RAB3GAP1: variants seen among roughly 807,000 people sequenced by gnomAD.
RAB3GAP1 encodes RAB3 GTPase activating protein catalytic subunit 1, also known as rab3 GTPase-activating protein catalytic subunit.
RAB3GAP1 carries 86 observed loss-of-function variants against 130.7 expected under a neutral mutation model. The observed-to-expected ratio is 0.66, with a 90% CI of 0.55 to 0.79. The LOEUF is 0.79. Ranked by LOEUF, RAB3GAP1 falls within the 30% of genes least tolerant of loss-of-function variation. RAB3GAP1 has a pLI of 0.00. For synonymous variants in RAB3GAP1, 367 were observed against 401.7 expected (o/e 0.91, Z 1.03); for missense variants, 1,029 against 1,169.4 (o/e 0.88, Z 1.75).
intron 12 of RAB3GAP1, 31 bp from the exon 13 acceptor site, chr2:135,130,521 T>C (rs950193883): frequency 3.2e-6 from 5 of 1,571,002 alleles, no homozygotes; most frequent in African/African-American, 2.7e-5. Flanking sequence ...GTTGGTGATA[T>C]AATTTATATT....
intron 3 of RAB3GAP1, among the ~76,000 whole-genome samples, chr2:135,071,877 A>C (rs895410806): frequency 6.6e-6 from 1 of 152,104 alleles, no homozygotes; most frequent in Non-Finnish European, 1.5e-5. Flanking sequence ...ATTGTCCTGG[A>C]TTGTGGGACT....
chr2:135,117,714 T>TCTTCTG (rs1691059320), intron 7 of RAB3GAP1, among the ~76,000 whole-genome samples: 1 of 138,674 alleles, frequency 7.2e-6, no homozygotes. Flanking sequence ...TGCTTCTGCT[T>TCTTCTG]CTTCTTCTGC....
At chr2:135,059,847 T>TA (rs916259410) in intron 3 of RAB3GAP1, among the ~76,000 whole-genome samples, 8 of 152,092 alleles carry the variant, frequency 5.3e-5, no homozygotes, top group African/African-American at 1.9e-4. Context: ...ATAAATAAGA[T>TA]ACAGAAAATA....
chr2:135,131,369 T>C (rs555705664), intron 13 of RAB3GAP1, among the ~76,000 whole-genome samples: 3 of 151,870 alleles, frequency 2.0e-5, no homozygotes, highest in Non-Finnish European at 4.4e-5. Flanking sequence ...GGGACTACAG[T>C]CACGTGCCAC....
Position 135,080,342 on chromosome 2 carries a change from C to G in RAB3GAP1, c.151-10656C>G, listed in dbSNP as rs373204600. ...ATATGCAATTGGAGTAATTCAAATCCTTGCTGGATATACATAAATGTGATA... is the reference window on the plus strand; with the variant it reads ...ATATGCAATTGGAGTAATTCAAATCGTTGCTGGATATACATAAATGTGATA... On this transcript the variant is annotated intron_variant, in intron 3 of 23. Transcript: ENST00000264158. Among the ~76,000 whole-genome samples the G allele has an allele frequency of 2.2e-4, 33 of 152,120 alleles. No individual in the cohort carries two copies. The South Asian group carries it at 5.8e-3, about 27-fold the overall frequency.
chr2:135,059,693 C>G (rs1028981845), intron 3 of RAB3GAP1, among the ~76,000 whole-genome samples: 4 of 152,004 alleles, frequency 2.6e-5, no homozygotes, highest in African/African-American at 9.7e-5. Flanking sequence ...TAAAGTCACT[C>G]TAAGGGTTAA....
chr2:135,160,083 A>C (rs1404715078), intron 19 of RAB3GAP1, among the ~76,000 whole-genome samples: 1 of 152,214 alleles, frequency 6.6e-6, no homozygotes, highest in Admixed American at 6.5e-5. Context: ...GGTGATGGTA[A>C]CATAACCTTG....
At chr2:135,132,148 C>G (rs1328570678) in intron 13 of RAB3GAP1, among the ~76,000 whole-genome samples, 7 of 152,086 alleles carry the variant, frequency 4.6e-5, no homozygotes, top group African/African-American at 1.7e-4. Context: ...TAATGTGTGG[C>G]AAAGTATACA....
chr2:135,052,574 G>T, intron 2 of RAB3GAP1, 89 bp downstream of exon 2: 1 of 1,469,294 alleles, frequency 6.8e-7, no homozygotes. Context: ...CACAAGTGAC[G>T]CCACTTGTGC....
At chr2:135,094,320 A>G (rs1362989051) in intron 5 of RAB3GAP1, among the ~76,000 whole-genome samples, 4 of 152,218 alleles carry the variant, frequency 2.6e-5, no homozygotes, top group Non-Finnish European at 4.4e-5. Context: ...TTACATATGT[A>G]ATAGTTGTAC....
At chr2:135,082,141 C>CAATG (rs112935823) in intron 3 of RAB3GAP1, among the ~76,000 whole-genome samples, 24 of 148,750 alleles carry the variant, frequency 1.6e-4, no homozygotes, top group East Asian at 3.9e-4. Context: ...GACTCTGTCT[C>CAATG]AATGAATGAA....
chr2:135,091,217 T>TTTTATGTAAAACA, intron 4 of RAB3GAP1, 87 bp downstream of exon 4: 6 of 1,288,134 alleles, frequency 4.7e-6, no homozygotes, highest in Non-Finnish European at 6.6e-6. Context: ...TCTTCCATAG[T>TTTTATGTAAAACA]GTCAGTTTCT....
Position 135,133,913 on chromosome 2 carries a change from T to C in RAB3GAP1, c.1379T>C (p.Leu460Pro). The C allele has an allele frequency of 6.2e-7, 1 of 1,613,804 alleles. No individual in the cohort carries two copies. Among genetic ancestry groups the C allele is most frequent in the South Asian group, 1.1e-5 (1 of 91,074 alleles). Residue 460 changes from leucine to proline, a missense_variant, in exon 15 of 24, where the codon CTG (leucine) becomes CCG (proline). Coordinates refer to ENST00000264158, the MANE Select transcript of RAB3GAP1 (RefSeq NM_012233.3). ...CCATCTGACAGTTTAACATACAAAC[T>C]GGCTTTGTGTCTCTGTATGATCAAT... ...SAPSDSLTYK[L>P]ALCLCMINFY...
intron 19 of RAB3GAP1, among the ~76,000 whole-genome samples, chr2:135,158,325 T>G (rs1692372875): frequency 6.6e-6 from 1 of 151,996 alleles, no homozygotes; most frequent in South Asian, 2.1e-4. Flanking sequence ...GCAAGGAAGG[T>G]ACAAGATGAA....
chr2:135,094,174 C>T lies in RAB3GAP1; in HGVS notation c.362+481C>T, dbSNP rs562165205. Among the ~76,000 whole-genome samples the T allele has an allele frequency of 1.1e-4, 17 of 151,560 alleles. No individual in the cohort carries two copies. In the South Asian group the frequency reaches 3.5e-3, roughly 31 times the overall value. On this transcript the variant is annotated intron_variant, in intron 5 of 23. Transcript: ENST00000264158. ...TAATCAGTTCTGGGAATGGTGAGAA[C>T]CCTCCCCAAATCCCATTTCCCAGCT...
intron 3 of RAB3GAP1, among the ~76,000 whole-genome samples, chr2:135,087,510 A>G (rs1574097211): frequency 6.6e-6 from 1 of 152,164 alleles, no homozygotes; most frequent in South Asian, 2.1e-4. Flanking sequence ...TTATCTTTCA[A>G]TCCATGTATG....
At chr2:135,121,407 A>G (rs903185173) in intron 8 of RAB3GAP1, among the ~76,000 whole-genome samples, 45 of 152,212 alleles carry the variant, frequency 3.0e-4, no homozygotes, top group African/African-American at 9.7e-4. Context: ...TAGAAATATA[A>G]TCAAAATCAA....
chr2:135,091,325 A>G (rs908772803), intron 4 of RAB3GAP1, among the ~76,000 whole-genome samples, 195 bp downstream of exon 4: 1 of 152,156 alleles, frequency 6.6e-6, no homozygotes, highest in Non-Finnish European at 1.5e-5. Flanking sequence ...ATCAGCTCAT[A>G]TTTATTGAGT....
chr2:135,161,602 G>T (rs927190405), intron 19 of RAB3GAP1, among the ~76,000 whole-genome samples: 1 of 152,010 alleles, frequency 6.6e-6, no homozygotes. Context: ...TCCTAAGCTG[G>T]TGTTTTCTTT....
Sources: allele counts gnomAD v4.1 joint callset (sites outside exome capture counted in the v4.1 genomes callset), GRCh38; gene constraint gnomAD v4.1.1; transcripts MANE v1.5; gene names NCBI Gene and HGNC (gene_info 2026-07-23, HGNC 2026-07-21).